ESR1: variants seen among roughly 807,000 people sequenced by gnomAD.
The protein encoded by ESR1 is estrogen receptor 1, also known as estrogen receptor.
ESR1 carries 12 observed loss-of-function variants against 52.7 expected under a neutral mutation model. The ratio of observed to expected loss-of-function variants is 0.23; its 90% CI spans 0.15 to 0.37. The LOEUF is 0.37. Among genes scored for constraint, ESR1 ranks in the 10% least tolerant of loss-of-function variants. ESR1 has a pLI of 1.00. For missense variants in ESR1, 584 were observed against 779.7 expected (o/e 0.75, Z 2.99); for synonymous variants, 305 against 316.8 (o/e 0.96, Z 0.39).
intron 2 of ESR1, among the ~76,000 whole-genome samples, chr6:151,711,326 A>G (rs1030534654): frequency 6.6e-6 from 1 of 150,624 alleles, no homozygotes; most frequent in Admixed American, 6.6e-5. Flanking sequence ...GGTTCATGCC[A>G]TTCTCCTGCT....
At chr6:152,118,166 G>C (rs935333004) in intron 6 of ESR1, 1 of 152,070 alleles carries the variant, frequency 6.6e-6, no homozygotes, top group African/African-American at 2.4e-5. Context: ...AGAAAATAGA[G>C]ATCTAACAGC....
intron 5 of ESR1, among the ~76,000 whole-genome samples, chr6:152,041,184 A>G (rs1342533619): frequency 2.6e-5 from 4 of 152,168 alleles, no homozygotes; most frequent in Non-Finnish European, 5.9e-5. Flanking sequence ...TGATTGACCT[A>G]TAGGGGCCTG....
intron 6 of ESR1, among the ~76,000 whole-genome samples, chr6:152,113,925 T>C (rs1219571611): frequency 6.6e-6 from 1 of 152,236 alleles, no homozygotes; most frequent in Non-Finnish European, 1.5e-5. Context: ...AGCTGGGGAC[T>C]GAGCCAAGGT....
chr6:151,658,693 A>G (rs1333418915), intron 1 of ESR1, among the ~76,000 whole-genome samples: 11 of 122,406 alleles, frequency 9.0e-5, no homozygotes, highest in Non-Finnish European at 5.3e-5. Context: ...AACAGGAGAT[A>G]TCATATCTTA....
At chr6:152,090,896 C>A (rs2050129575) in intron 6 of ESR1, among the ~76,000 whole-genome samples, 1 of 152,220 alleles carries the variant, frequency 6.6e-6, no homozygotes, top group East Asian at 1.9e-4. Flanking sequence ...GCTACAAGAT[C>A]CAGATTGCCT....
At chr6:151,887,688 G>C (rs558462762) in intron 3 of ESR1, among the ~76,000 whole-genome samples, 1 of 152,172 alleles carries the variant, frequency 6.6e-6, no homozygotes, top group Non-Finnish European at 1.5e-5. Flanking sequence ...TACCTATTAG[G>C]GATGAAGGCA....
At chr6:151,930,418 A>G (rs2033421174) in intron 3 of ESR1, among the ~76,000 whole-genome samples, 1 of 152,188 alleles carries the variant, frequency 6.6e-6, no homozygotes, top group Non-Finnish European at 1.5e-5. Flanking sequence ...ATAACATAGT[A>G]TTCTCAATTC....
chr6:151,938,257 A>G (rs1374241485), intron 3 of ESR1, among the ~76,000 whole-genome samples: 1 of 152,232 alleles, frequency 6.6e-6, no homozygotes, highest in Non-Finnish European at 1.5e-5. Context: ...TCAATGAAAG[A>G]AAATTTAAAA....
chr6:152,040,285 A>C (rs921010111), intron 5 of ESR1, among the ~76,000 whole-genome samples: 1 of 152,166 alleles, frequency 6.6e-6, no homozygotes, highest in African/African-American at 2.4e-5. Flanking sequence ...CACTTTGTTC[A>C]TGGGCCTATT....
intron 5 of ESR1, among the ~76,000 whole-genome samples, chr6:152,043,791 T>C (rs1321411439): frequency 6.6e-6 from 1 of 152,202 alleles, no homozygotes; most frequent in African/African-American, 2.4e-5. Context: ...TCCTCCCGCA[T>C]GGCCCCATTC....
chr6:151,730,235 G>A (rs920066448), intron 2 of ESR1, among the ~76,000 whole-genome samples: 2 of 151,936 alleles, frequency 1.3e-5, no homozygotes, highest in Non-Finnish European at 2.9e-5. Flanking sequence ...TGCTGCCTTC[G>A]ACCCCCCGGG....
chr6:151,873,744 G>A (rs1562499471), intron 2 of ESR1, among the ~76,000 whole-genome samples: 1 of 152,196 alleles, frequency 6.6e-6, no homozygotes. Flanking sequence ...CAGATTTAAA[G>A]CTGTATTTAA....
intron 1 of ESR1, among the ~76,000 whole-genome samples, chr6:151,659,825 A>T (rs1777578419): frequency 6.6e-6 from 1 of 152,254 alleles, no homozygotes; most frequent in Admixed American, 6.5e-5. Flanking sequence ...CCTAAAATTC[A>T]TAGCAGATTA....
At chr6:152,008,783 T>C (rs1189230666) in intron 4 of ESR1, among the ~76,000 whole-genome samples, 1 of 151,496 alleles carries the variant, frequency 6.6e-6, no homozygotes, top group African/African-American at 2.4e-5. Flanking sequence ...AGACAAAGCC[T>C]CCCTTTTGAA....
chr6:151,809,707 G>A (rs920044957), intron 1 of ESR1, among the ~76,000 whole-genome samples: 4 of 152,146 alleles, frequency 2.6e-5, no homozygotes, highest in Admixed American at 2.6e-4. Flanking sequence ...ATCTTCAGCC[G>A]CCTTGGAGAA....
Position 151,808,382 on chromosome 6 carries a change from G to C in ESR1, c.452+18G>C, listed in dbSNP as rs1438860691. Reference sequence around the variant, plus strand: ...TTCTACAGGTACCCGCGCCCGCGCCGCCCGTCGGGGTGGCCGCCGCGCCCG... The same window carrying C: ...TTCTACAGGTACCCGCGCCCGCGCCCCCCGTCGGGGTGGCCGCCGCGCCCG... On this transcript the variant is annotated intron_variant, in intron 1 of 7. Transcript: ENST00000206249. 11 of 1,100,188 alleles carry C rather than the reference G, an allele frequency of 1.0e-5. No homozygotes were observed. Among genetic ancestry groups the C allele is most frequent in the Non-Finnish European group, 1.3e-5 (11 of 855,776 alleles). The allele number at this position is 1,100,188 out of a possible 1,614,324, so 68.2% of individuals were successfully genotyped here. A position where few individuals can be genotyped will look rare whatever the true frequency, so the allele number is the denominator to read the frequency against.
intron 1 of ESR1, among the ~76,000 whole-genome samples, chr6:151,817,752 C>T (rs1262600769): frequency 6.6e-6 from 1 of 152,160 alleles, no homozygotes; most frequent in African/African-American, 2.4e-5. Context: ...CTGTATAATT[C>T]GATTTTTGTT....
chr6:151,699,367 A>G (rs1316505195), intron 1 of ESR1, among the ~76,000 whole-genome samples: 1 of 152,230 alleles, frequency 6.6e-6, no homozygotes, highest in Non-Finnish European at 1.5e-5. Flanking sequence ...GTAGATTTAC[A>G]AAAGTGTGGA....
chr6:151,705,390 G>T (rs558325444), intron 2 of ESR1, among the ~76,000 whole-genome samples: 1 of 152,168 alleles, frequency 6.6e-6, no homozygotes, highest in Non-Finnish European at 1.5e-5. Flanking sequence ...ATGGGTTAAT[G>T]ATCTATATCA....
Sources: allele counts gnomAD v4.1 joint callset (sites outside exome capture counted in the v4.1 genomes callset), GRCh38; gene constraint gnomAD v4.1.1; transcripts MANE v1.5; gene names NCBI Gene and HGNC (gene_info 2026-07-23, HGNC 2026-07-21).